METTL2A: variants seen among roughly 807,000 people sequenced by gnomAD.
The protein encoded by METTL2A is methyltransferase 2A, tRNA N3-cytidine.
METTL2A carries 45 observed loss-of-function variants against 49.4 expected under a neutral mutation model. The ratio of observed to expected loss-of-function variants is 0.91; its 90% CI spans 0.72 to 1.17. The LOEUF (loss-of-function observed/expected upper bound fraction) is 1.17. METTL2A is among the 50% of genes most tolerant of loss of function. The pLI is 0.00. For synonymous variants in METTL2A, 118 were observed against 167.5 expected (o/e 0.70, Z 2.28); for missense variants, 361 against 462.2 (o/e 0.78, Z 2.01).
chr17:62,446,477 A>AT (rs1331125068), intron 7 of METTL2A, among the ~76,000 whole-genome samples: 4 of 151,940 alleles, frequency 2.6e-5, no homozygotes, highest in African/African-American at 9.7e-5. Context: ...CGCCTGGCTA[A>AT]TTTTTTTGTA....
intron 6 of METTL2A, among the ~76,000 whole-genome samples, chr17:62,443,693 G>A (rs2070751067): frequency 6.6e-6 from 1 of 151,948 alleles, no homozygotes; most frequent in South Asian, 2.1e-4. Context: ...AGGTTCAAGC[G>A]ATTCTCCTGC....
chr17:62,448,806 G>A lies in METTL2A; in HGVS notation c.*77G>A, dbSNP rs1132658. On this transcript the variant is annotated 3_prime_UTR_variant, in exon 9 of 9. Transcript: ENST00000311506. ...TAAAAAAAAAATTGTAGCACTGGGC[G>A]TGGTGCATGCCTGTAATCCCAGCCA... 22 of 1,586,186 alleles carry A rather than the reference G, an allele frequency of 1.4e-5. No individual in the cohort carries two copies. Among genetic ancestry groups the A allele is most frequent in the African/African-American group, 5.4e-5 (4 of 74,462 alleles).
At chr17:62,441,090 G>A (rs2070736180) in intron 6 of METTL2A, among the ~76,000 whole-genome samples, 3 of 152,192 alleles carry the variant, frequency 2.0e-5, no homozygotes, top group Admixed American at 2.0e-4. Flanking sequence ...ATAGGTGTGA[G>A]CCACCATGCC....
chr17:62,434,255 G>A (rs1221305009), intron 4 of METTL2A, among the ~76,000 whole-genome samples: 4 of 152,198 alleles, frequency 2.6e-5, no homozygotes, highest in Non-Finnish European at 5.9e-5. Context: ...TTTAATTTAA[G>A]TAGCCACAGG....
chr17:62,437,133 CT>C (rs747770697), intron 5 of METTL2A, among the ~76,000 whole-genome samples: 10,802 of 125,536 alleles, frequency 0.086, 831 homozygotes, highest in East Asian at 0.37. Flanking sequence ...TCAGGCTTCA[CT>C]TTTTTTTTTT....
intron 4 of METTL2A, among the ~76,000 whole-genome samples, chr17:62,430,951 C>T (rs1215250142): frequency 2.6e-5 from 4 of 152,254 alleles, no homozygotes; most frequent in Non-Finnish European, 2.9e-5. Flanking sequence ...CCGCAACCTC[C>T]GCCTCCTGGG....
intron 7 of METTL2A, among the ~76,000 whole-genome samples, chr17:62,446,850 A>G (rs1393770195): frequency 6.6e-6 from 1 of 152,222 alleles, no homozygotes; most frequent in Non-Finnish European, 1.5e-5. Flanking sequence ...TTTAAACTCC[A>G]TCCCCCTATA....
intron 7 of METTL2A, among the ~76,000 whole-genome samples, chr17:62,445,565 G>A (rs1306836042): frequency 6.6e-6 from 1 of 152,180 alleles, no homozygotes; most frequent in Non-Finnish European, 1.5e-5. Context: ...TTGGGAGGCC[G>A]AGGTGGGTGG....
chr17:62,442,281 CT>C (rs929691812), intron 6 of METTL2A, among the ~76,000 whole-genome samples: 1 of 148,326 alleles, frequency 6.7e-6, no homozygotes, highest in African/African-American at 2.5e-5. Flanking sequence ...ACTACCTTCT[CT>C]TTTTTTTTTC....
At chr17:62,442,727 A>G (rs574299312) in intron 6 of METTL2A, among the ~76,000 whole-genome samples, 4 of 152,336 alleles carry the variant, frequency 2.6e-5, no homozygotes, top group South Asian at 4.1e-4. Flanking sequence ...AACTATACCC[A>G]TGAAATCATG....
intron 4 of METTL2A, among the ~76,000 whole-genome samples, chr17:62,432,573 G>GC (rs1210003024): frequency 6.6e-6 from 1 of 152,254 alleles, no homozygotes; most frequent in East Asian, 1.9e-4. Flanking sequence ...GCCAAGACGG[G>GC]CAGATCACAA....
chr17:62,431,112 G>T (rs1226897000), intron 4 of METTL2A, among the ~76,000 whole-genome samples: 5 of 151,858 alleles, frequency 3.3e-5, no homozygotes, highest in Admixed American at 2.6e-4. Context: ...TGATCCACCC[G>T]CCTCAGCCTC....
rs1342194252 is a variant in METTL2A at position 62,451,965 on chromosome 17, C to G, written c.*3236C>G. Among the ~76,000 whole-genome samples the G allele has an allele frequency of 6.6e-6, 1 of 150,782 alleles. No individual in the cohort carries two copies. Among genetic ancestry groups the G allele is most frequent in the Non-Finnish European group, 1.5e-5 (1 of 67,946 alleles). ...ATCCCAGCTATTTGGGAGGGTGGCT[C>G]TAGAGAATCATTTGAACCTGGGAGG... On this transcript the variant is annotated 3_prime_UTR_variant, in exon 9 of 9. Transcript: ENST00000311506.
At chr17:62,425,898 G>A (rs1262539664) in intron 2 of METTL2A, among the ~76,000 whole-genome samples, 4 of 151,456 alleles carry the variant, frequency 2.6e-5, no homozygotes, top group Non-Finnish European at 5.9e-5. Flanking sequence ...CTACTCAGTA[G>A]GATGAGGCAG....
intron 7 of METTL2A, among the ~76,000 whole-genome samples, chr17:62,447,193 T>G (rs1370553325): frequency 6.6e-6 from 1 of 151,866 alleles, no homozygotes; most frequent in Non-Finnish European, 1.5e-5. Flanking sequence ...CCACGGTGGG[T>G]GGATCACCTG....
rs1275984563 is a variant in METTL2A, at chr17:62,448,805, C to T, written c.*76C>T. Reference sequence around the variant, plus strand: ...TTAAAAAAAAAATTGTAGCACTGGGCGTGGTGCATGCCTGTAATCCCAGCC... The same window carrying T: ...TTAAAAAAAAAATTGTAGCACTGGGTGTGGTGCATGCCTGTAATCCCAGCC... On this transcript the variant is annotated 3_prime_UTR_variant, in exon 9 of 9. Transcript: ENST00000311506. 13 of 1,585,778 alleles carry T rather than the reference C, an allele frequency of 8.2e-6. No homozygotes were observed. Among genetic ancestry groups the T allele is most frequent in the South Asian group, 5.8e-5 (5 of 85,922 alleles).
chr17:62,447,171 C>CT, intron 7 of METTL2A, among the ~76,000 whole-genome samples: 1 of 152,224 alleles, frequency 6.6e-6, no homozygotes, highest in Middle Eastern at 3.4e-3. Flanking sequence ...TTAATCCCAG[C>CT]ACTTTGGGAG....
chr17:62,447,797 G>A (rs1283399276), intron 8 of METTL2A, 31 bp downstream of exon 8: 11 of 1,612,996 alleles, frequency 6.8e-6, no homozygotes, highest in Non-Finnish European at 9.3e-6. Context: ...TACACTAAAA[G>A]TCCCCAGTAC....
At chr17:62,433,008 TA>T (rs1422198909) in intron 4 of METTL2A, among the ~76,000 whole-genome samples, 1 of 152,200 alleles carries the variant, frequency 6.6e-6, no homozygotes, top group East Asian at 1.9e-4. Flanking sequence ...GCATTTATAT[TA>T]GGCATTATAG....
Sources: gnomAD v4.1 joint callset for allele counts (sites outside exome capture counted in the v4.1 genomes callset) on GRCh38, gnomAD v4.1.1 for gene constraint, MANE v1.5 for transcripts, NCBI Gene and HGNC (gene_info 2026-07-23, HGNC 2026-07-21) for gene names.